PRKCI: variants seen among roughly 807,000 people sequenced by gnomAD.
PRKCI encodes the protein protein kinase C iota, also known as protein kinase C iota type.
PRKCI carries 43 observed loss-of-function variants against 84.0 expected under a neutral mutation model. The ratio of observed to expected loss-of-function variants is 0.51; its 90% CI spans 0.40 to 0.66. PRKCI has a LOEUF of 0.66. Ranked by LOEUF, PRKCI falls within the 30% of genes least tolerant of loss-of-function variation. The pLI is 0.00. For missense variants in PRKCI, 459 were observed against 745.6 expected, an observed-to-expected ratio of 0.62 and a Z score of 4.48; for synonymous variants, 216 against 234.4, an observed-to-expected ratio of 0.92 and a Z score of 0.72.
At chr3:170,251,880 A>G (rs1419735539) in intron 2 of PRKCI, among the ~76,000 whole-genome samples, 1 of 151,668 alleles carries the variant, frequency 6.6e-6, no homozygotes, top group Admixed American at 6.6e-5. Flanking sequence ...ACTGCACTCC[A>G]GCCTGGGCAA....
chr3:170,285,622 C>T (rs1734362377), intron 12 of PRKCI, among the ~76,000 whole-genome samples: 2 of 152,080 alleles, frequency 1.3e-5, no homozygotes, highest in Non-Finnish European at 1.5e-5. Context: ...CTAGTTGTAT[C>T]GAAGATTTAA....
chr3:170,251,100 A>G (rs554667491), intron 2 of PRKCI, among the ~76,000 whole-genome samples: 89 of 152,336 alleles, frequency 5.8e-4, no homozygotes, highest in African/African-American at 1.9e-3. Context: ...AAAATCTAGT[A>G]ATAAACCTTA....
At chr3:170,290,685 T>G (rs943559148) in intron 12 of PRKCI, among the ~76,000 whole-genome samples, 3 of 152,186 alleles carry the variant, frequency 2.0e-5, no homozygotes, top group Non-Finnish European at 4.4e-5. Context: ...TCCTAATAAT[T>G]TTGTCCTTTT....
intron 17 of PRKCI, 150 bp from the exon 18 acceptor site, chr3:170,302,890 G>A (rs569142198): frequency 2.7e-5 from 14 of 524,826 alleles, no homozygotes; most frequent in South Asian, 1.4e-4. Context: ...TTCTTGATTC[G>A]TCTAGAAAAT....
At chr3:170,256,914 A>G (rs1341322843) in intron 2 of PRKCI, among the ~76,000 whole-genome samples, 3 of 151,704 alleles carry the variant, frequency 2.0e-5, no homozygotes, top group Non-Finnish European at 2.9e-5. Flanking sequence ...TTTTTTTCTT[A>G]ATTTTGTATT....
chr3:170,289,368 A>G (rs1036143256), intron 12 of PRKCI, among the ~76,000 whole-genome samples: 4 of 152,374 alleles, frequency 2.6e-5, no homozygotes, highest in East Asian at 1.9e-4. Context: ...AGTGTTATAT[A>G]TAACAGGGTG....
In PRKCI at chr3:170,262,431, T is replaced by G. The variant is rs372223479; in HGVS notation, c.314-948T>G. 9.8e-5 allele frequency among the ~76,000 whole-genome samples: 15 copies of G among 152,346 alleles called. No individual in the cohort carries two copies. In the East Asian group the frequency reaches 1.5e-3, roughly 16 times the overall value. On this transcript the variant is annotated intron_variant, in intron 3 of 17. Coordinates refer to ENST00000295797, the MANE Select transcript of PRKCI (RefSeq NM_002740.6). The stretch of plus-strand genomic sequence containing the variant: ...AAATAATTCATGATGTAACAGGGAC[T>G]GGAATTAGTCATTTGAGCTTCTGAT...
intron 2 of PRKCI, among the ~76,000 whole-genome samples, chr3:170,241,634 T>C (rs770331330): frequency 2.0e-5 from 3 of 152,092 alleles, no homozygotes; most frequent in Admixed American, 6.5e-5. Flanking sequence ...TGCTACAGCG[T>C]AGTTCACCTT....
chr3:170,249,360 C>T (rs974112184), intron 2 of PRKCI, among the ~76,000 whole-genome samples: 2 of 151,966 alleles, frequency 1.3e-5, no homozygotes, highest in African/African-American at 2.4e-5. Flanking sequence ...GCTTATAAAA[C>T]ACTCATTGGT....
chr3:170,302,278 A>G (rs1201570089), intron 17 of PRKCI, among the ~76,000 whole-genome samples: 1 of 152,196 alleles, frequency 6.6e-6, no homozygotes. Flanking sequence ...TGTTTGCAGA[A>G]TGAATACTGC....
intron 14 of PRKCI, among the ~76,000 whole-genome samples, chr3:170,293,931 T>G (rs1041257606): frequency 2.6e-5 from 4 of 152,198 alleles, no homozygotes; most frequent in Non-Finnish European, 5.9e-5. Flanking sequence ...TCTGCCCACC[T>G]CAGCCTCCCC....
chr3:170,237,770 T>G (rs1733016551), intron 2 of PRKCI, among the ~76,000 whole-genome samples: 1 of 152,178 alleles, frequency 6.6e-6, no homozygotes, highest in South Asian at 2.1e-4. Context: ...AAGTAATTCA[T>G]GTTCACTGTT....
intron 6 of PRKCI, among the ~76,000 whole-genome samples, 154 bp from the exon 7 acceptor site, chr3:170,273,132 A>G (rs1007898282): frequency 8.5e-5 from 13 of 152,260 alleles, no homozygotes; most frequent in African/African-American, 2.9e-4. Flanking sequence ...GCAGTATTGT[A>G]TAGTTTCATA....
intron 14 of PRKCI, among the ~76,000 whole-genome samples, chr3:170,295,054 A>G (rs563200960): frequency 6.6e-6 from 1 of 151,022 alleles, no homozygotes; most frequent in Non-Finnish European, 1.5e-5. Context: ...TACTAAAAAT[A>G]AAAAAAAATT....
chr3:170,261,424 A>C lies in PRKCI; in HGVS notation c.313+1366A>C, dbSNP rs73034386. On this transcript the variant is annotated intron_variant, in intron 3 of 17. Transcript: ENST00000295797. Reference sequence around the variant, plus strand: ...TGAATCATTTCAGTGCCTTATTATTATTTCTTTGTATTTTCCTTTACAGTG... The same window carrying C: ...TGAATCATTTCAGTGCCTTATTATTCTTTCTTTGTATTTTCCTTTACAGTG... Among the ~76,000 whole-genome samples the C allele has an allele frequency of 6.3e-3, 926 of 145,896 alleles. 9 individuals carry two copies. The highest frequency in any genetic ancestry group is 0.021 in the African/African-American group (845 of 39,582).
chr3:170,251,743 C>A (rs1733450552), intron 2 of PRKCI, among the ~76,000 whole-genome samples: 1 of 151,732 alleles, frequency 6.6e-6, no homozygotes, highest in Non-Finnish European at 1.5e-5. Context: ...AACCCTGTCT[C>A]TACTAAAAAT....
chr3:170,252,491 T>C (rs1175169413), intron 2 of PRKCI, among the ~76,000 whole-genome samples: 1 of 152,222 alleles, frequency 6.6e-6, no homozygotes, highest in Non-Finnish European at 1.5e-5. Context: ...GTTACAAATA[T>C]TCCAATTATA....
At chr3:170,282,962 G>C (rs557466260) in intron 11 of PRKCI, among the ~76,000 whole-genome samples, 2 of 151,796 alleles carry the variant, frequency 1.3e-5, no homozygotes, top group Non-Finnish European at 2.9e-5. Flanking sequence ...AAAATTAGCC[G>C]GGCGTGGTGG....
chr3:170,235,142 A>T (rs1316142846), intron 1 of PRKCI, 88 bp from the exon 2 acceptor site: 1 of 1,332,002 alleles, frequency 7.5e-7, no homozygotes, highest in Non-Finnish European at 1.0e-6. Flanking sequence ...AAATTACTGA[A>T]GTTCATCAAA....
Sources: gnomAD v4.1 joint callset for allele counts (sites outside exome capture counted in the v4.1 genomes callset) on GRCh38, gnomAD v4.1.1 for gene constraint, MANE v1.5 for transcripts, NCBI Gene and HGNC (gene_info 2026-07-23, HGNC 2026-07-21) for gene names.